Variants in WWP1 observed in about 807,000 individuals in gnomAD.
WWP1 encodes WW domain containing E3 ubiquitin protein ligase 1.
A neutral mutation model predicts 130.6 loss-of-function variants in WWP1; 49 were observed. The ratio of observed to expected loss-of-function variants is 0.38; its 90% confidence interval spans 0.30 to 0.48. WWP1 has a LOEUF of 0.48. Among genes scored for constraint, WWP1 ranks in the 20% least tolerant of loss-of-function variants. WWP1 has a pLI of 0.99. For synonymous variants in WWP1, 332 were observed against 367.8 expected, an observed-to-expected ratio of 0.90 and a Z score of 1.11; for missense variants, 809 against 1,100.6, an observed-to-expected ratio of 0.74 and a Z score of 3.75.
At chr8:86,430,781 G>GA in intron 12 of WWP1, 30 bp downstream of exon 12, 1 of 1,242,860 alleles carries the variant, frequency 8.0e-7, no homozygotes, top group Non-Finnish European at 1.1e-6. Context: ...GATCTATAAG[G>GA]GAGATATATA....
intron 14 of WWP1, 116 bp from the exon 15 acceptor site, chr8:86,435,336 C>A: frequency 9.2e-7 from 1 of 1,084,126 alleles, no homozygotes; most frequent in Non-Finnish European, 1.4e-6. Flanking sequence ...CCTTCTCTCC[C>A]AGCAGAAATC....
At chr8:86,457,818 C>A in intron 21 of WWP1, 103 bp from the exon 22 acceptor site, 1 of 995,962 alleles carries the variant, frequency 1.0e-6, no homozygotes, top group Non-Finnish European at 1.5e-6. Flanking sequence ...TATAGCTTTT[C>A]ACATAATTTG....
chr8:86,384,611 GT>G (rs1348521368), intron 5 of WWP1, among the ~76,000 whole-genome samples: 1 of 152,166 alleles, frequency 6.6e-6, no homozygotes, highest in African/African-American at 2.4e-5. Flanking sequence ...CTTTGATTCA[GT>G]CTCTTGGTTT....
chr8:86,416,577 CT>C lies in WWP1; in HGVS notation c.1061+4716del, dbSNP rs561660860. On this transcript the variant is annotated intron_variant, in intron 9 of 24. Coordinates refer to ENST00000517970, the MANE Select transcript of WWP1 (RefSeq NM_007013.4). ...TATTTTTCAAAATTCTTCCACATTT[CT>C]TTTTTTTTTTTTAAGCAAAGTCTTT... Among the ~76,000 whole-genome samples the C allele has an allele frequency of 4.3e-3, 606 of 139,994 alleles. 2 individuals carry two copies. The highest frequency in any genetic ancestry group is 7.8e-3 in the African/African-American group (298 of 38,158). The allele number at this position is 139,994 out of a possible 152,430, so 91.8% of individuals were successfully genotyped here.
intron 5 of WWP1, among the ~76,000 whole-genome samples, chr8:86,391,980 G>A (rs967692122): frequency 3.3e-5 from 5 of 152,172 alleles, no homozygotes; most frequent in African/African-American, 9.7e-5. Context: ...AAGAGTAGTC[G>A]GGGGCCTATC....
At chr8:86,417,996 G>T (rs968722104) in intron 9 of WWP1, among the ~76,000 whole-genome samples, 9 of 152,120 alleles carry the variant, frequency 5.9e-5, no homozygotes, top group African/African-American at 1.9e-4. Context: ...CAAGTTCTAT[G>T]AGACAAGATA....
intron 18 of WWP1, among the ~76,000 whole-genome samples, chr8:86,445,430 G>A (rs1346859726): frequency 3.9e-5 from 6 of 152,092 alleles, no homozygotes; most frequent in Non-Finnish European, 7.3e-5. Context: ...CCACCTGTAC[G>A]TAAGAACATG....
At chr8:86,389,337 A>G (rs940376509) in intron 5 of WWP1, among the ~76,000 whole-genome samples, 7 of 152,096 alleles carry the variant, frequency 4.6e-5, no homozygotes, top group Non-Finnish European at 8.8e-5. Context: ...TGGGTACTTG[A>G]GATTAGGGAG....
chr8:86,408,006 C>T (rs1485675769), intron 8 of WWP1, among the ~76,000 whole-genome samples: 1 of 152,170 alleles, frequency 6.6e-6, no homozygotes, highest in Admixed American at 6.5e-5. Context: ...CACACCATTA[C>T]AGTATCATAC....
intron 2 of WWP1, among the ~76,000 whole-genome samples, chr8:86,372,084 C>T (rs1452165706): frequency 2.3e-5 from 3 of 131,214 alleles, no homozygotes; most frequent in Non-Finnish European, 3.1e-5. Context: ...AGTGCAGTGG[C>T]GCGATCTCGA....
At chr8:86,367,317 A>G (rs781679282) in intron 1 of WWP1, among the ~76,000 whole-genome samples, 12 of 152,338 alleles carry the variant, frequency 7.9e-5, no homozygotes, top group South Asian at 6.2e-4. Flanking sequence ...GACAGCATTT[A>G]TTTGACTTTT....
At chr8:86,395,625 G>T (rs1316220437) in intron 5 of WWP1, among the ~76,000 whole-genome samples, 1 of 152,126 alleles carries the variant, frequency 6.6e-6, no homozygotes, top group Admixed American at 6.5e-5. Context: ...ACCACTAAAA[G>T]AATGTTTTTG....
chr8:86,421,320 G>C (rs1809187693), intron 9 of WWP1, among the ~76,000 whole-genome samples: 1 of 152,072 alleles, frequency 6.6e-6, no homozygotes, highest in Admixed American at 6.6e-5. Flanking sequence ...TTGTGACTTA[G>C]GTTTGTTAGA....
chr8:86,391,847 A>G (rs1250247374), intron 5 of WWP1, among the ~76,000 whole-genome samples: 16 of 152,162 alleles, frequency 1.1e-4, no homozygotes, highest in African/African-American at 3.9e-4. Context: ...CAAAAGCCCT[A>G]TCCTTCCCAA....
chr8:86,377,252 AT>A (rs35139758), intron 3 of WWP1, among the ~76,000 whole-genome samples: 75,096 of 138,746 alleles, frequency 0.54, 19,916 homozygotes, highest in African/African-American at 0.65. Flanking sequence ...TTCCTGTCTA[AT>A]TTTTTTTTTT....
At chr8:86,369,527 G>A (rs899089386) in intron 2 of WWP1, among the ~76,000 whole-genome samples, 27 of 152,134 alleles carry the variant, frequency 1.8e-4, no homozygotes, top group African/African-American at 6.5e-4. Context: ...AAAGTTTCAT[G>A]TAGTAAAGTG....
At chr8:86,428,413 G>A (rs1418002090) in intron 11 of WWP1, among the ~76,000 whole-genome samples, 4 of 152,212 alleles carry the variant, frequency 2.6e-5, no homozygotes, top group Non-Finnish European at 5.9e-5. Context: ...TAAATGGTGT[G>A]ATCATAGGAG....
At chr8:86,456,392 G>A (rs183026151) in intron 21 of WWP1, among the ~76,000 whole-genome samples, 1 of 151,956 alleles carries the variant, frequency 6.6e-6, no homozygotes, top group Admixed American at 6.6e-5. Flanking sequence ...AAAAACTCAC[G>A]TAACTCAATA....
At chr8:86,385,490 A>G (rs772444234) in intron 5 of WWP1, among the ~76,000 whole-genome samples, 1 of 152,136 alleles carries the variant, frequency 6.6e-6, no homozygotes, top group Non-Finnish European at 1.5e-5. Flanking sequence ...CTGGCAAGAC[A>G]TTTTTTTAAA....
Sources: allele counts gnomAD v4.1 joint callset (sites outside exome capture counted in the v4.1 genomes callset), GRCh38; gene constraint gnomAD v4.1.1; transcripts MANE v1.5; gene names NCBI Gene and HGNC (gene_info 2026-07-23, HGNC 2026-07-21).